PDE4D: variants seen among roughly 807,000 people sequenced by gnomAD.
The protein encoded by PDE4D is phosphodiesterase 4D.
In PDE4D, 24 loss-of-function variants were observed where a neutral mutation model predicts 87.4. That is an observed-to-expected ratio of 0.27 (90% confidence interval 0.20 to 0.39). The LOEUF is 0.39. PDE4D is among the 10% of genes least tolerant of loss of function. PDE4D has a pLI of 1.00. For synonymous variants in PDE4D, 384 were observed against 383.2 expected (o/e 1.00, Z -0.02); for missense variants, 714 against 1,041.0 (o/e 0.69, Z 4.32).
chr5:60,522,105 C>G (rs1751070347), exon 1 of PDE4D: 1 of 152,178 alleles, frequency 6.6e-6, no homozygotes, highest in African/African-American at 2.4e-5. Flanking sequence ...GTATGCTCTT[C>G]TTGGTCCCAC....
chr5:59,592,178 C>T (rs1224878109), intron 1 of PDE4D: 11 of 974,918 alleles, frequency 1.1e-5, no homozygotes, highest in Non-Finnish European at 1.3e-5. Flanking sequence ...GTCTTCTTCT[C>T]TATATTTATA....
At chr5:59,680,601 T>C (rs1050022557) in intron 1 of PDE4D, among the ~76,000 whole-genome samples, 3 of 152,122 alleles carry the variant, frequency 2.0e-5, no homozygotes, top group Admixed American at 6.5e-5. Flanking sequence ...AGAAAAGAAC[T>C]AACCAAGTGA....
At chr5:60,456,807 C>T (rs1430930651) in intron 1 of PDE4D, among the ~76,000 whole-genome samples, 2 of 152,164 alleles carry the variant, frequency 1.3e-5, no homozygotes, top group Non-Finnish European at 2.9e-5. Flanking sequence ...ATACCTCATC[C>T]TGACACGCCC....
chr5:58,991,716 G>T, intron 8 of PDE4D, 116 bp downstream of exon 8: 3 of 542,508 alleles, frequency 5.5e-6, no homozygotes, highest in Non-Finnish European at 7.6e-6. Flanking sequence ...TTCAAAAAAA[G>T]AAAAAAAAAA....
intron 2 of PDE4D, among the ~76,000 whole-genome samples, chr5:60,107,503 T>C (rs564815985): frequency 6.6e-6 from 1 of 152,340 alleles, no homozygotes; most frequent in South Asian, 2.1e-4. Flanking sequence ...CCCTAACTCA[T>C]TTGATGAGGC....
Position 60,070,960 on chromosome 5 carries a change from T to G in PDE4D, c.43-82243A>C, listed in dbSNP as rs897731846. On this transcript the variant is annotated intron_variant, in intron 2 of 16. Transcript: ENST00000502484. ...CATTTCTTCTAGCTTATCCAGTTTG[T>G]TGGCACATAATTGTTCATAGTTATC... is the stretch of plus-strand genomic sequence containing the variant. 2.0e-5 allele frequency among the ~76,000 whole-genome samples: 3 copies of G among 152,056 alleles called. No individual in the cohort carries two copies. The South Asian group carries it at 6.2e-4, about 31-fold the overall frequency.
At chr5:59,385,138 A>C (rs1232193362) in intron 1 of PDE4D, among the ~76,000 whole-genome samples, 2 of 152,070 alleles carry the variant, frequency 1.3e-5, no homozygotes, top group Non-Finnish European at 2.9e-5. Context: ...CTCTTGCTTC[A>C]ATCTGTACTT....
In PDE4D at chr5:58,972,555, C is replaced by T. The variant is rs567705113; in HGVS notation, c.*2109G>A. The T allele has an allele frequency of 9.2e-5, 14 of 152,302 alleles. No homozygotes were observed. The highest frequency in any genetic ancestry group is 3.4e-4 in the African/African-American group (14 of 41,580). The allele number at this position is 152,302 out of a possible 1,614,324, so 9.4% of individuals were successfully genotyped here. On this transcript the variant is annotated 3_prime_UTR_variant, in exon 15 of 15. Transcript: ENST00000340635. ...CCAGGAGGCTCCTTGAGAAGTTCCA[C>T]ATATAAATGCTTTTCAGAGTTGTAA...
At chr5:60,413,704 T>C (rs1391970549) in intron 1 of PDE4D, among the ~76,000 whole-genome samples, 2 of 143,542 alleles carry the variant, frequency 1.4e-5, no homozygotes, top group African/African-American at 5.6e-5. Context: ...TTTGAATTTC[T>C]TTTTTCGTTT....
intron 1 of PDE4D, among the ~76,000 whole-genome samples, chr5:59,388,152 C>A: frequency 6.6e-6 from 1 of 151,564 alleles, no homozygotes; most frequent in Admixed American, 6.6e-5. Context: ...TCAAAAAGGT[C>A]AATAGTATGA....
chr5:59,291,136 T>C (rs1767929272), intron 1 of PDE4D, among the ~76,000 whole-genome samples: 1 of 152,122 alleles, frequency 6.6e-6, no homozygotes, highest in Non-Finnish European at 1.5e-5. Flanking sequence ...TACTCCCATG[T>C]TTATTGCAGC....
At chr5:59,202,874 G>C (rs1392573543) in intron 2 of PDE4D, among the ~76,000 whole-genome samples, 1 of 152,154 alleles carries the variant, frequency 6.6e-6, no homozygotes, top group Non-Finnish European at 1.5e-5. Context: ...TCTCAGATAT[G>C]TCTTTATCAG....
chr5:59,466,245 C>A (rs1229727514), intron 1 of PDE4D, among the ~76,000 whole-genome samples: 3 of 152,140 alleles, frequency 2.0e-5, no homozygotes, highest in African/African-American at 7.2e-5. Context: ...TTAAGTATGA[C>A]TTCAGAACTT....
intron 2 of PDE4D, among the ~76,000 whole-genome samples, chr5:60,078,180 A>G (rs1216380819): frequency 6.6e-6 from 1 of 151,910 alleles, no homozygotes; most frequent in East Asian, 1.9e-4. Flanking sequence ...TTGGATTCCA[A>G]TCTCCCCTAC....
At chr5:60,166,596 G>C (rs766208088) in intron 2 of PDE4D, among the ~76,000 whole-genome samples, 5 of 152,100 alleles carry the variant, frequency 3.3e-5, no homozygotes, top group African/African-American at 4.8e-5. Flanking sequence ...CAATATTAGA[G>C]TATTCTAAAT....
intron 3 of PDE4D, among the ~76,000 whole-genome samples, chr5:59,188,981 T>C (rs1428732657): frequency 6.6e-6 from 1 of 152,180 alleles, no homozygotes; most frequent in East Asian, 1.9e-4. Context: ...GACTATCTTC[T>C]TTCATAGCCT....
intron 1 of PDE4D, among the ~76,000 whole-genome samples, chr5:59,593,733 C>T (rs1043127526): frequency 2.0e-5 from 3 of 152,114 alleles, no homozygotes; most frequent in African/African-American, 7.2e-5. Context: ...GTAGAAAAAC[C>T]TCAACTATAA....
At chr5:59,133,890 A>G (rs1776640464) in intron 5 of PDE4D, among the ~76,000 whole-genome samples, 1 of 152,128 alleles carries the variant, frequency 6.6e-6, no homozygotes, top group African/African-American at 2.4e-5. Flanking sequence ...CAAAAGACCT[A>G]TGCACAGAAA....
At chr5:59,401,312 G>T (rs1471386347) in intron 1 of PDE4D, among the ~76,000 whole-genome samples, 1 of 151,826 alleles carries the variant, frequency 6.6e-6, no homozygotes, top group Admixed American at 6.6e-5. Context: ...GGACATGGTG[G>T]TGCACACCTG....
Sources: allele counts gnomAD v4.1 joint callset (sites outside exome capture counted in the v4.1 genomes callset), GRCh38; gene constraint gnomAD v4.1.1; transcripts MANE v1.5; gene names NCBI Gene and HGNC (gene_info 2026-07-23, HGNC 2026-07-21).